The following STXBP5L variants were observed in gnomAD, a reference collection of about 807,000 sequenced individuals.
STXBP5L encodes syntaxin binding protein 5L.
A neutral mutation model predicts 144.5 loss-of-function variants in STXBP5L; 65 were observed. The ratio of observed to expected loss-of-function variants is 0.45; its 90% CI spans 0.37 to 0.55. STXBP5L has a LOEUF of 0.55. Ranked by LOEUF, STXBP5L falls within the 20% of genes least tolerant of loss-of-function variation. The probability of loss-of-function intolerance (pLI) is 0.00; values close to 1 mark genes in which losing one functional copy is unlikely to be tolerated. For missense variants in STXBP5L, 1,298 were observed against 1,405.5 expected (o/e 0.92, Z 1.22); for synonymous variants, 505 against 469.6 (o/e 1.08, Z -0.97).
chr3:121,197,521 T>C (rs763974882), intron 9 of STXBP5L, among the ~76,000 whole-genome samples: 1 of 152,208 alleles, frequency 6.6e-6, no homozygotes, highest in Non-Finnish European at 1.5e-5. Context: ...AGTTCTGGGA[T>C]ACATAGGCAG....
chr3:121,253,494 C>A (rs1311104389), intron 15 of STXBP5L, among the ~76,000 whole-genome samples: 1 of 151,622 alleles, frequency 6.6e-6, no homozygotes, highest in African/African-American at 2.4e-5. Flanking sequence ...ACTTACATAA[C>A]CAGACTTCAG....
At chr3:121,392,306 A>C (rs904217614) in intron 22 of STXBP5L, among the ~76,000 whole-genome samples, 1 of 152,178 alleles carries the variant, frequency 6.6e-6, no homozygotes, top group Non-Finnish European at 1.5e-5. Flanking sequence ...GTAGTCAGTC[A>C]TAGCTTCCCT....
intron 2 of STXBP5L, among the ~76,000 whole-genome samples, chr3:120,935,428 GTT>G (rs76683163): frequency 1.3e-5 from 2 of 150,992 alleles, no homozygotes; most frequent in African/African-American, 4.9e-5. Flanking sequence ...AATTTAAAAA[GTT>G]TTTTTTACCC....
At chr3:121,191,956 GA>G (rs1191619976) in intron 9 of STXBP5L, among the ~76,000 whole-genome samples, 5 of 138,790 alleles carry the variant, frequency 3.6e-5, no homozygotes, top group Admixed American at 2.9e-4. Context: ...TGGGGTGGGG[GA>G]TGGGGGGAGG....
chr3:121,245,022 C>T (rs2049800016), intron 14 of STXBP5L, among the ~76,000 whole-genome samples: 1 of 151,986 alleles, frequency 6.6e-6, no homozygotes, highest in South Asian at 2.1e-4. Context: ...AATTTATAGA[C>T]AAATATAGAA....
chr3:121,038,801 G>GT (rs1009644813), intron 3 of STXBP5L, among the ~76,000 whole-genome samples: 30 of 151,558 alleles, frequency 2.0e-4, no homozygotes, highest in East Asian at 3.9e-4. Flanking sequence ...GGATTTTTAT[G>GT]TTTTTTTAAT....
chr3:121,242,479 T>C (rs1367032766), intron 14 of STXBP5L, among the ~76,000 whole-genome samples: 1 of 152,054 alleles, frequency 6.6e-6, no homozygotes, highest in African/African-American at 2.4e-5. Flanking sequence ...TGTGGTACAA[T>C]GTAATACCTA....
At chr3:121,030,674 A>G (rs1946303106) in intron 3 of STXBP5L, among the ~76,000 whole-genome samples, 1 of 152,102 alleles carries the variant, frequency 6.6e-6, no homozygotes, top group Non-Finnish European at 1.5e-5. Context: ...TACTTAAAGT[A>G]TAAAAAACAT....
intron 5 of STXBP5L, among the ~76,000 whole-genome samples, chr3:121,050,973 CA>C (rs1947933542): frequency 6.6e-6 from 1 of 151,954 alleles, no homozygotes; most frequent in African/African-American, 2.4e-5. Context: ...CAACAAAGAT[CA>C]AAAGAGAAAA....
At chr3:120,960,950 G>A (rs1196045207) in intron 3 of STXBP5L, among the ~76,000 whole-genome samples, 2 of 151,414 alleles carry the variant, frequency 1.3e-5, no homozygotes, top group African/African-American at 4.9e-5. Context: ...TCAGGTCTTG[G>A]GATTTTCTTT....
intron 20 of STXBP5L, among the ~76,000 whole-genome samples, chr3:121,355,933 T>C (rs537559053): frequency 6.6e-6 from 1 of 152,356 alleles, no homozygotes; most frequent in South Asian, 2.1e-4. Context: ...GTTTTCCTTC[T>C]AACAGTCAGG....
chr3:121,211,610 C>T (rs1461090581), intron 10 of STXBP5L, among the ~76,000 whole-genome samples: 7 of 120,178 alleles, frequency 5.8e-5, no homozygotes, highest in East Asian at 5.1e-4. Flanking sequence ...GACAGAGTCT[C>T]GCTCTGTCAC....
intron 6 of STXBP5L, among the ~76,000 whole-genome samples, chr3:121,116,289 TG>T (rs1489785993): frequency 6.6e-6 from 1 of 152,154 alleles, no homozygotes; most frequent in Admixed American, 6.6e-5. Flanking sequence ...ACCCTATTTT[TG>T]TGAAGCTTGA....
intron 5 of STXBP5L, among the ~76,000 whole-genome samples, chr3:121,052,569 C>T (rs575293966): frequency 6.6e-6 from 1 of 152,088 alleles, no homozygotes; most frequent in South Asian, 2.1e-4. Flanking sequence ...AAACTCTCAA[C>T]AAATTAGGTA....
At chr3:120,958,212 A>T (rs1317097495) in intron 3 of STXBP5L, among the ~76,000 whole-genome samples, 1 of 152,258 alleles carries the variant, frequency 6.6e-6, no homozygotes, top group Admixed American at 6.5e-5. Context: ...AACCAGGAAG[A>T]AATTGAATCT....
intron 7 of STXBP5L, among the ~76,000 whole-genome samples, chr3:121,148,104 C>T (rs536603569): frequency 1.2e-4 from 19 of 152,120 alleles, no homozygotes; most frequent in African/African-American, 4.3e-4. Context: ...ATATCTTTTT[C>T]TATACATAGA....
chr3:121,091,931 T>C (rs1423817673), intron 5 of STXBP5L, among the ~76,000 whole-genome samples: 2 of 152,082 alleles, frequency 1.3e-5, no homozygotes, highest in East Asian at 1.9e-4. Context: ...AGTCTTTAAT[T>C]CATCTTGAAT....
At chr3:121,261,739 C>A (rs2050388225) in intron 18 of STXBP5L, among the ~76,000 whole-genome samples, 1 of 152,062 alleles carries the variant, frequency 6.6e-6, no homozygotes, top group Non-Finnish European at 1.5e-5. Flanking sequence ...TCAAAAGAAA[C>A]TAATAGCTAA....
At chr3:121,189,265 C>T (rs376604238) in intron 9 of STXBP5L, among the ~76,000 whole-genome samples, 2 of 152,126 alleles carry the variant, frequency 1.3e-5, no homozygotes, top group East Asian at 1.9e-4. Context: ...GTTGCCATTG[C>T]TTTTGGTGTT....
Sources: gnomAD v4.1 joint callset for allele counts (sites outside exome capture counted in the v4.1 genomes callset) on GRCh38, gnomAD v4.1.1 for gene constraint, MANE v1.5 for transcripts, NCBI Gene and HGNC (gene_info 2026-07-23, HGNC 2026-07-21) for gene names.